The following COQ8A variants were observed in gnomAD, a reference collection of about 807,000 sequenced individuals.
COQ8A encodes the protein coenzyme Q8A, also known as atypical kinase COQ8A, mitochondrial.
A neutral mutation model predicts 65.0 loss-of-function variants in COQ8A; 51 were observed. The ratio of observed to expected loss-of-function variants is 0.78; its 90% confidence interval spans 0.63 to 0.99. The LOEUF (loss-of-function observed/expected upper bound fraction) is 0.99, where lower values mean the gene tolerates loss of function less well. COQ8A is among the 50% of genes least tolerant of loss of function. The probability of loss-of-function intolerance (pLI) is 0.00; values close to 1 mark genes in which losing one functional copy is unlikely to be tolerated. For synonymous variants in COQ8A, 371 were observed against 353.2 expected (o/e 1.05, Z -0.57); for missense variants, 940 against 875.0 (o/e 1.07, Z -0.94).
chr1:226,979,838 A>G (rs940776072), intron 5 of COQ8A, among the ~76,000 whole-genome samples: 1 of 152,034 alleles, frequency 6.6e-6, no homozygotes, highest in Non-Finnish European at 1.5e-5. Context: ...TGGTGCTGAC[A>G]CTCTCTGGGA....
Position 226,965,214 on chromosome 1 carries a change from C to A in COQ8A, c.392C>A (p.Pro131His). The A allele has an allele frequency of 6.2e-7, 1 of 1,613,670 alleles. No homozygotes were observed. The change falls in exon 3 of 15, where the codon CCC becomes CAC. Residue 131 changes from proline (P) to histidine (H), a missense_variant. Physicochemically the swap from Pro to His is moderately conservative, Grantham distance 77. Transcript: ENST00000366777. ...ASGPFREAGFPGQASSPLGRA... is the reference protein window; with the variant it reads ...ASGPFREAGFHGQASSPLGRA... ...GGACCCTTTAGAGAAGCCGGGTTCC[C>A]CGGCCAGGCCTCCTCCCCTCTGGGC...
At chr1:226,982,861 T>C (rs1375614126) in intron 7 of COQ8A, 33 bp from the exon 8 acceptor site, 1 of 1,612,524 alleles carries the variant, frequency 6.2e-7, no homozygotes, top group East Asian at 2.2e-5. Flanking sequence ...AGGCAGGGCA[T>C]GCTCAGAGCC....
chr1:226,980,424 T>TCC (rs1459258657), intron 5 of COQ8A, among the ~76,000 whole-genome samples: 4 of 152,128 alleles, frequency 2.6e-5, no homozygotes, highest in Non-Finnish European at 4.4e-5. Flanking sequence ...AGACAGACTG[T>TCC]CCCTCCTCTG....
In COQ8A at chr1:226,964,161, T is replaced by C. The variant is rs115111567; in HGVS notation, c.178-839T>C. On this transcript the variant is annotated intron_variant, in intron 2 of 14. Transcript: ENST00000366777. ...ACCCTGCGCATTTCATTTGTTTCAG[T>C]TGAAGCCGAGAATCCAGGCCACTGG... 9.6e-3 allele frequency among the ~76,000 whole-genome samples: 1,465 copies of C among 152,338 alleles called. 11 individuals carry two copies. Among genetic ancestry groups the C allele is most frequent in the Non-Finnish European group, 0.016 (1,107 of 68,030 alleles).
chr1:226,975,618 T>C (rs1379955013), intron 4 of COQ8A, among the ~76,000 whole-genome samples: 2 of 152,252 alleles, frequency 1.3e-5, no homozygotes, highest in Non-Finnish European at 2.9e-5. Context: ...CAATTATATG[T>C]GTGGCTTGCC....
In COQ8A at chr1:226,951,013, A is replaced by G. The variant is rs146543528; in HGVS notation, c.-9-10364A>G. The stretch of plus-strand genomic sequence containing the variant: ...GTGGGTACAGACCTGTGTGAGGGCC[A>G]TGGTGAGCTCAGACCTCTCTGCCGG... On this transcript the variant is annotated intron_variant, in intron 1 of 14. Coordinates refer to ENST00000366777, the MANE Select transcript of COQ8A (RefSeq NM_020247.5). Among the ~76,000 whole-genome samples the G allele has an allele frequency of 8.2e-4, 125 of 152,350 alleles. 1 individual carries two copies. The East Asian group carries it at 0.022, about 27-fold the overall frequency.
chr1:226,960,516 G>A (rs993888863), intron 1 of COQ8A, among the ~76,000 whole-genome samples: 209 of 66,496 alleles, frequency 3.1e-3, no homozygotes, highest in Middle Eastern at 6.5e-3. Flanking sequence ...GGTGGTGGTG[G>A]TGGTGCTTGG....
At chr1:226,984,514 GC>G in intron 11 of COQ8A, 33 bp from the exon 12 acceptor site, 1 of 1,542,708 alleles carries the variant, frequency 6.5e-7, no homozygotes, top group Non-Finnish European at 9.0e-7. Flanking sequence ...GCAGTGTGGT[GC>G]TGCCTGACAC....
At chr1:226,977,598 T>C (rs1659319532) in intron 5 of COQ8A, 75 bp downstream of exon 5, 1 of 1,482,752 alleles carries the variant, frequency 6.7e-7, no homozygotes. Context: ...CAGCCCCACC[T>C]GTGCTCTGGG....
chr1:226,986,332 TA>T, intron 14 of COQ8A, 120 bp from the exon 15 acceptor site: 2 of 1,139,578 alleles, frequency 1.8e-6, no homozygotes, highest in Non-Finnish European at 2.5e-6. Flanking sequence ...TACCATGATG[TA>T]ATCCAGTTTA....
At chr1:226,983,156 A>G (rs1659823492) in intron 8 of COQ8A, 122 bp downstream of exon 8, 4 of 1,387,946 alleles carry the variant, frequency 2.9e-6, no homozygotes, top group South Asian at 2.9e-5. Flanking sequence ...TGGCAGGGCC[A>G]TATGTGGTGT....
chr1:226,983,993 T>C (rs1332324167), intron 10 of COQ8A, 101 bp from the exon 11 acceptor site: 2 of 1,449,276 alleles, frequency 1.4e-6, no homozygotes, highest in South Asian at 2.3e-5. Context: ...ATATCCTGCC[T>C]GGGGTGAAGG....
intron 1 of COQ8A, among the ~76,000 whole-genome samples, chr1:226,956,094 A>ACACTCTCCCTGGCTCT (rs1553275572): frequency 3.6e-4 from 29 of 80,730 alleles, no homozygotes; most frequent in African/African-American, 1.2e-3. Context: ...TCCCTGGTTC[A>ACACTCTCCCTGGCTCT]CACTCTCCCT....
At chr1:226,982,195 G>C in intron 6 of COQ8A, 46 bp downstream of exon 6, 1 of 1,540,646 alleles carries the variant, frequency 6.5e-7, no homozygotes, top group Non-Finnish European at 8.8e-7. Flanking sequence ...GTGGGCTGCT[G>C]GGGGGGTCAA....
intron 1 of COQ8A, among the ~76,000 whole-genome samples, chr1:226,948,615 T>G (rs1459529717): frequency 6.6e-6 from 1 of 150,956 alleles, no homozygotes; most frequent in African/African-American, 2.5e-5. Context: ...CTTAATTACC[T>G]TCCTGGGTGG....
At chr1:226,956,219 C>T (rs1558183957) in intron 1 of COQ8A, among the ~76,000 whole-genome samples, 2 of 110,554 alleles carry the variant, frequency 1.8e-5, no homozygotes, top group Admixed American at 8.2e-5. Context: ...CTCTCCCTGG[C>T]TGCCACTCCC....
At chr1:226,985,686 T>C (rs1014023606) in intron 14 of COQ8A, among the ~76,000 whole-genome samples, 1 of 151,666 alleles carries the variant, frequency 6.6e-6, no homozygotes, top group African/African-American at 2.4e-5. Flanking sequence ...CTGGGGGGAG[T>C]TGGAAGAAAC....
At chr1:226,963,247 G>A (rs1319306590) in intron 2 of COQ8A, among the ~76,000 whole-genome samples, 1 of 152,196 alleles carries the variant, frequency 6.6e-6, no homozygotes, top group Non-Finnish European at 1.5e-5. Flanking sequence ...GGTAGGCACC[G>A]GAGCAGGGTG....
At chr1:226,960,544 G>A (rs1658177101) in intron 1 of COQ8A, among the ~76,000 whole-genome samples, 2 of 150,096 alleles carry the variant, frequency 1.3e-5, no homozygotes, top group African/African-American at 4.9e-5. Flanking sequence ...GGTTGTACTT[G>A]GTGGTGGTGT....
Sources: allele counts gnomAD v4.1 joint callset (sites outside exome capture counted in the v4.1 genomes callset), GRCh38; gene constraint gnomAD v4.1.1; transcripts MANE v1.5; gene names NCBI Gene and HGNC (gene_info 2026-07-23, HGNC 2026-07-21).